SRGAP1: variants seen among roughly 807,000 people sequenced by gnomAD.
SRGAP1 encodes the protein SLIT-ROBO Rho GTPase activating protein 1, also known as SLIT-ROBO Rho GTPase-activating protein 1.
SRGAP1 carries 43 observed loss-of-function variants against 121.9 expected under a neutral mutation model. The ratio of observed to expected loss-of-function variants is 0.35; its 90% CI spans 0.28 to 0.46. The LOEUF is 0.46. SRGAP1 is among the 20% of genes least tolerant of loss of function. The probability of loss-of-function intolerance (pLI) is 1.00; values close to 1 mark genes in which losing one functional copy is unlikely to be tolerated. For synonymous variants in SRGAP1, 447 were observed against 485.4 expected (o/e 0.92, Z 1.04); for missense variants, 1,102 against 1,350.9 (o/e 0.82, Z 2.89).
chr12:64,011,366 C>G (rs914064899), intron 3 of SRGAP1, among the ~76,000 whole-genome samples: 1 of 151,976 alleles, frequency 6.6e-6, no homozygotes, highest in Non-Finnish European at 1.5e-5. Flanking sequence ...TTAGAGGAAC[C>G]CTAGATTTCT....
In SRGAP1 at chr12:64,143,476, C is replaced by T. The variant is rs931583933; in HGVS notation, c.*804C>T. ...TTTAATTTTAAAGACTTTCTGGTTA[C>T]ACTACTCCACGAACTCCTCCAAAGA... On this transcript the variant is annotated 3_prime_UTR_variant, in exon 22 of 22. Coordinates refer to ENST00000355086, the MANE Select transcript of SRGAP1 (RefSeq NM_020762.4). The T allele has an allele frequency of 2.0e-5, 3 of 152,214 alleles. No homozygotes were observed. The highest frequency in any genetic ancestry group is 7.2e-5 in the African/African-American group (3 of 41,452). The allele number at this position is 152,214 out of a possible 1,614,324, so 9.4% of individuals were successfully genotyped here. A position where few individuals can be genotyped will look rare whatever the true frequency, so the allele number is the denominator to read the frequency against.
chr12:63,972,948 G>C (rs1211981129), intron 1 of SRGAP1, among the ~76,000 whole-genome samples: 3 of 152,062 alleles, frequency 2.0e-5, no homozygotes, highest in Non-Finnish European at 4.4e-5. Flanking sequence ...AGGAGCTCGA[G>C]ACCAGCCTGG....
At position 64,145,368 on chromosome 12, in the gene SRGAP1, T is replaced by C. The variant is rs2136658629; in HGVS notation, c.*2696T>C. 6.6e-6 allele frequency: 1 copy of C among 152,454 alleles called. No homozygotes were observed. Among genetic ancestry groups the C allele is most frequent in the East Asian group, 1.9e-4 (1 of 5,172 alleles). 9.4% of individuals were successfully genotyped at this position (152,454 alleles called of 1,614,324 possible). On this transcript the variant is annotated 3_prime_UTR_variant, in exon 22 of 22. Coordinates refer to ENST00000355086, the MANE Select transcript of SRGAP1 (RefSeq NM_020762.4). The stretch of plus-strand genomic sequence containing the variant: ...GGCTCCTCTCTCTGATGTGTCCACC[T>C]ACGGTGGAACGAGGATTGCCTTTCT...
intron 1 of SRGAP1, among the ~76,000 whole-genome samples, chr12:63,902,344 A>G (rs897795310): frequency 2.6e-5 from 4 of 152,212 alleles, no homozygotes; most frequent in African/African-American, 9.7e-5. Context: ...TAACCCTCAC[A>G]GTATTTCTAG....
intron 1 of SRGAP1, among the ~76,000 whole-genome samples, chr12:63,948,945 TATATATATTCCATATATATATTTTCC>T (rs200395590): frequency 4.5e-5 from 4 of 88,634 alleles, no homozygotes; most frequent in Non-Finnish European, 4.7e-5. Context: ...ATATTTTCCA[TATATATATTCCATATATATATTTTCC>T]ATATATATAT....
rs1295861658 is a variant in SRGAP1, at chr12:64,161,122, ACTTTT to A, written c.*18451_*18455del. ...CTTCTTTTCCCTGGAGCTTATAATT[ACTTTT>A]ATTTCATTTGCTTAGCTTTCTATGT... On this transcript the variant is annotated 3_prime_UTR_variant, in exon 22 of 22. Coordinates refer to ENST00000355086, the MANE Select transcript of SRGAP1 (RefSeq NM_020762.4). 1 of 152,192 alleles carries A rather than the reference ACTTTT, an allele frequency of 6.6e-6. No individual in the cohort carries two copies. The highest frequency in any genetic ancestry group is 1.5e-5 in the Non-Finnish European group (1 of 68,034). The allele number at this position is 152,192 out of a possible 1,614,324, so 9.4% of individuals were successfully genotyped here.
intron 19 of SRGAP1, 30 bp from the exon 20 acceptor site, chr12:64,127,560 A>G (rs2036712616): frequency 8.9e-6 from 14 of 1,567,824 alleles, no homozygotes; most frequent in Non-Finnish European, 1.2e-5. Context: ...AATCTAGTAA[A>G]TTTTGTCTCC....
At chr12:64,048,815 CTATT>C (rs1458986392) in intron 6 of SRGAP1, among the ~76,000 whole-genome samples, 1 of 151,918 alleles carries the variant, frequency 6.6e-6, no homozygotes, top group Non-Finnish European at 1.5e-5. Context: ...TGAGATATCT[CTATT>C]TAGATCTTTT....
intron 4 of SRGAP1, among the ~76,000 whole-genome samples, chr12:64,020,730 C>T (rs995112124): frequency 6.6e-6 from 1 of 151,030 alleles, no homozygotes; most frequent in Non-Finnish European, 1.5e-5. Context: ...GTAATCCCAG[C>T]TGCTTGGGAG....
chr12:64,131,856 G>A (rs1396249532), intron 21 of SRGAP1, among the ~76,000 whole-genome samples: 1 of 152,212 alleles, frequency 6.6e-6, no homozygotes, highest in Non-Finnish European at 1.5e-5. Flanking sequence ...CCAAAGCCCA[G>A]TAACAGGCCA....
chr12:63,854,190 C>G (rs552916847), intron 1 of SRGAP1, among the ~76,000 whole-genome samples: 273 of 152,286 alleles, frequency 1.8e-3, no homozygotes, highest in African/African-American at 6.2e-3. Flanking sequence ...TCCCTTCATT[C>G]CCACTGCCAC....
intron 3 of SRGAP1, among the ~76,000 whole-genome samples, chr12:63,996,205 A>G (rs1423699677): frequency 6.6e-6 from 1 of 152,096 alleles, no homozygotes; most frequent in Non-Finnish European, 1.5e-5. Context: ...TTTAAATTTT[A>G]GGCTCTATCT....
chr12:64,136,284 T>C (rs1159671752), intron 21 of SRGAP1, among the ~76,000 whole-genome samples: 1 of 152,168 alleles, frequency 6.6e-6, no homozygotes, highest in Non-Finnish European at 1.5e-5. Context: ...AGAGAGTTGC[T>C]TGAGCCCAGG....
rs1230010010 is a variant in SRGAP1 at position 64,161,974 on chromosome 12, T to C, written c.*19302T>C. On this transcript the variant is annotated 3_prime_UTR_variant, in exon 22 of 22. Coordinates refer to ENST00000355086, the MANE Select transcript of SRGAP1 (RefSeq NM_020762.4). ...TGAAATAAGCCAGTCATAAACCACA[T>C]ATTGTGTATATTTTATCCATAAGAA... 6.6e-6 allele frequency: 1 copy of C among 152,198 alleles called. No homozygotes were observed. Among genetic ancestry groups the C allele is most frequent in the Non-Finnish European group, 1.5e-5 (1 of 68,034 alleles). 9.4% of individuals were successfully genotyped at this position (152,198 alleles called of 1,614,324 possible).
At chr12:63,862,999 A>G (rs1899506016) in intron 1 of SRGAP1, among the ~76,000 whole-genome samples, 1 of 152,186 alleles carries the variant, frequency 6.6e-6, no homozygotes, top group South Asian at 2.1e-4. Context: ...AGAAAAGGCG[A>G]GGAATGTTTT....
At chr12:63,933,136 T>C (rs1411602629) in intron 1 of SRGAP1, among the ~76,000 whole-genome samples, 1 of 152,088 alleles carries the variant, frequency 6.6e-6, no homozygotes, top group African/African-American at 2.4e-5. Flanking sequence ...TGCAGCAAGC[T>C]GAGATCATGC....
intron 1 of SRGAP1, among the ~76,000 whole-genome samples, chr12:63,900,269 G>A (rs756225654): frequency 2.9e-5 from 4 of 138,808 alleles, no homozygotes; most frequent in East Asian, 2.2e-4. Flanking sequence ...GCAGTGGCAC[G>A]ATCTCGGCTC....
intron 10 of SRGAP1, among the ~76,000 whole-genome samples, chr12:64,084,334 G>A (rs1470881067): frequency 1.3e-5 from 2 of 149,482 alleles, no homozygotes; most frequent in Admixed American, 1.4e-4. Context: ...CTTATATGTT[G>A]GGGGGTGTGG....
intron 3 of SRGAP1, among the ~76,000 whole-genome samples, chr12:63,997,683 T>G (rs2033750838): frequency 6.6e-6 from 1 of 152,162 alleles, no homozygotes; most frequent in South Asian, 2.1e-4. Flanking sequence ...GGTCCAGGTA[T>G]ACCAGTGTTT....
Sources: gnomAD v4.1 joint callset for allele counts (sites outside exome capture counted in the v4.1 genomes callset) on GRCh38, gnomAD v4.1.1 for gene constraint, MANE v1.5 for transcripts, NCBI Gene and HGNC (gene_info 2026-07-23, HGNC 2026-07-21) for gene names.